The following VPS13B variants were observed in gnomAD, a reference collection of about 807,000 sequenced individuals.
VPS13B encodes intermembrane lipid transfer protein VPS13B.
A neutral mutation model predicts 426.4 loss-of-function variants in VPS13B; 285 were observed. That is an observed-to-expected ratio of 0.67 (90% CI 0.61 to 0.74). The LOEUF (loss-of-function observed/expected upper bound fraction) is 0.74, where lower values mean the gene tolerates loss of function less well. Ranked by LOEUF, VPS13B falls within the 30% of genes least tolerant of loss-of-function variation. The probability of loss-of-function intolerance (pLI) is 0.00; values close to 1 mark genes in which losing one functional copy is unlikely to be tolerated. For synonymous variants in VPS13B, 1,676 were observed against 1,676.4 expected (o/e 1.00, Z 0.01); for missense variants, 4,537 against 4,782.6 (o/e 0.95, Z 1.51).
intron 7 of VPS13B, 119 bp from the exon 8 acceptor site, chr8:99,121,058 C>A: frequency 1.2e-6 from 1 of 818,188 alleles, no homozygotes; most frequent in Non-Finnish European, 1.9e-6. Context: ...ATCACTGTAT[C>A]ATTTGTTTAT....
rs527917587 is a variant in VPS13B at position 99,379,203 on chromosome 8, C to G, written c.2825-5005C>G. On this transcript the variant is annotated intron_variant, in intron 19 of 61. Coordinates refer to ENST00000357162, the MANE Select transcript of VPS13B (RefSeq NM_152564.5). Reference sequence around the variant, plus strand: ...CATCCTGAAACCATTCCTCCACCCCCCAAATCCGTGGAAAAATTGTCTTCC... The same window carrying G: ...CATCCTGAAACCATTCCTCCACCCCGCAAATCCGTGGAAAAATTGTCTTCC... Among the ~76,000 whole-genome samples the G allele has an allele frequency of 3.3e-5, 5 of 152,260 alleles. No individual in the cohort carries two copies. The South Asian group carries it at 8.3e-4, about 25-fold the overall frequency.
intron 33 of VPS13B, among the ~76,000 whole-genome samples, chr8:99,581,040 AGG>A (rs1359928991): frequency 6.9e-6 from 1 of 143,944 alleles, no homozygotes; most frequent in Non-Finnish European, 1.5e-5. Context: ...CAAATTAGGC[AGG>A]CATGGTGGCA....
intron 22 of VPS13B, among the ~76,000 whole-genome samples, chr8:99,440,115 T>C (rs1015881500): frequency 1.3e-5 from 2 of 152,168 alleles, no homozygotes; most frequent in Non-Finnish European, 2.9e-5. Context: ...AACACATGAA[T>C]GTGTTCAGTA....
chr8:99,223,856 AC>A (rs1450916050), intron 17 of VPS13B, among the ~76,000 whole-genome samples: 2 of 152,236 alleles, frequency 1.3e-5, no homozygotes, highest in Non-Finnish European at 2.9e-5. Flanking sequence ...ATTTAAAAAA[AC>A]AAAGTATGGC....
At chr8:99,151,493 C>G (rs78889654) in intron 14 of VPS13B, among the ~76,000 whole-genome samples, 7,472 of 151,826 alleles carry the variant, frequency 0.049, 205 homozygotes, top group African/African-American at 0.071. Context: ...TCCATTTCAT[C>G]TAGGTTATCA....
At chr8:99,507,918 A>T in intron 28 of VPS13B, 1 of 1,613,988 alleles carries the variant, frequency 6.2e-7, no homozygotes, top group South Asian at 1.1e-5. Context: ...TTCTGTAAGA[A>T]ATTACTTTAA....
intron 17 of VPS13B, among the ~76,000 whole-genome samples, chr8:99,236,071 C>T (rs1292992433): frequency 6.6e-6 from 1 of 152,124 alleles, no homozygotes; most frequent in Non-Finnish European, 1.5e-5. Context: ...ATATGTTGTG[C>T]ATCTCACTCA....
chr8:99,212,609 A>G (rs1031711423), intron 17 of VPS13B, among the ~76,000 whole-genome samples: 8 of 152,322 alleles, frequency 5.3e-5, no homozygotes, highest in South Asian at 4.1e-4. Context: ...TCTCAGATCT[A>G]TCTCTGAACT....
chr8:99,308,389 C>T (rs1820754627), intron 19 of VPS13B, among the ~76,000 whole-genome samples: 1 of 152,048 alleles, frequency 6.6e-6, no homozygotes, highest in South Asian at 2.1e-4. Flanking sequence ...TCCAAGTGTT[C>T]TCATTGTTCA....
intron 19 of VPS13B, among the ~76,000 whole-genome samples, chr8:99,366,305 C>A (rs575374338): frequency 1.3e-5 from 2 of 151,894 alleles, no homozygotes; most frequent in South Asian, 4.2e-4. Context: ...ACAATTATAT[C>A]CCCTTCCTGA....
intron 39 of VPS13B, among the ~76,000 whole-genome samples, chr8:99,765,581 T>C (rs1413223295): frequency 6.6e-6 from 1 of 152,238 alleles, no homozygotes; most frequent in Non-Finnish European, 1.5e-5. Context: ...ATGAGCATCA[T>C]GTTTTCATTG....
intron 31 of VPS13B, among the ~76,000 whole-genome samples, chr8:99,565,116 A>G (rs1379124806): frequency 6.6e-6 from 1 of 152,168 alleles, no homozygotes; most frequent in Non-Finnish European, 1.5e-5. Flanking sequence ...TTAATTCTCC[A>G]AGTTAATATT....
At chr8:99,710,959 C>G (rs1456456357) in intron 36 of VPS13B, among the ~76,000 whole-genome samples, 1 of 151,876 alleles carries the variant, frequency 6.6e-6, no homozygotes, top group African/African-American at 2.4e-5. Flanking sequence ...GAACTGAGAT[C>G]ACACACTGTA....
intron 17 of VPS13B, among the ~76,000 whole-genome samples, chr8:99,209,407 A>C (rs1401673207): frequency 6.6e-6 from 1 of 152,082 alleles, no homozygotes; most frequent in Non-Finnish European, 1.5e-5. Flanking sequence ...TGTTGGATTT[A>C]TTAATGTGAA....
chr8:99,052,232 T>C (rs1215737356), intron 3 of VPS13B, among the ~76,000 whole-genome samples: 1 of 120,732 alleles, frequency 8.3e-6, no homozygotes, highest in Non-Finnish European at 1.7e-5. Flanking sequence ...TGAGAGTTTT[T>C]AGCATGAAGC....
chr8:99,641,336 C>A (rs907772216), intron 33 of VPS13B, among the ~76,000 whole-genome samples: 1 of 152,032 alleles, frequency 6.6e-6, no homozygotes, highest in Non-Finnish European at 1.5e-5. Flanking sequence ...CCCTTTCTTA[C>A]TGTCCAAAAA....
intron 33 of VPS13B, among the ~76,000 whole-genome samples, chr8:99,593,890 C>T (rs1826830033): frequency 6.6e-6 from 1 of 152,014 alleles, no homozygotes; most frequent in Admixed American, 6.6e-5. Flanking sequence ...GGGAACAACA[C>T]ACACTGAGGT....
Position 99,391,659 on chromosome 8 carries a change from G to A in VPS13B, c.3037G>A (p.Ala1013Thr), listed in dbSNP as rs1814455028. The change falls in exon 21 of 62, where the codon GCC becomes ACC. Residue 1013 changes from alanine to threonine, a missense_variant. This residue lies in a region of VPS13B where 4,311 missense variants were observed against 4,474.3 expected (regional missense o/e 0.96). Coordinates refer to ENST00000357162, the MANE Select transcript of VPS13B (RefSeq NM_152564.5). ...CTTGGCAAAGCAGCAATCATATCAG[G>A]CCTCTGAATATGCCAGCAGCCCTGT... Reference protein sequence around the residue: ...APLAKQQSYQASEYASSPVKT... With the variant: ...APLAKQQSYQTSEYASSPVKT... The A allele has an allele frequency of 1.9e-6, 3 of 1,614,118 alleles. No individual in the cohort carries two copies. The highest frequency in any genetic ancestry group is 1.1e-5 in the South Asian group (1 of 91,082).
At chr8:99,248,290 T>C (rs543220598) in intron 17 of VPS13B, among the ~76,000 whole-genome samples, 43 of 152,294 alleles carry the variant, frequency 2.8e-4, no homozygotes, top group South Asian at 1.0e-3. Flanking sequence ...TGTTTTTCTT[T>C]GTTAATGATA....
Sources: allele counts gnomAD v4.1 joint callset (sites outside exome capture counted in the v4.1 genomes callset), GRCh38; gene constraint gnomAD v4.1.1; regional missense constraint gnomAD v4.1.1; transcripts MANE v1.5; gene names NCBI Gene and HGNC (gene_info 2026-07-23, HGNC 2026-07-21).